Variants in ANKS1A observed in about 807,000 individuals in gnomAD.
The protein encoded by ANKS1A is ankyrin repeat and SAM domain-containing protein 1A.
ANKS1A carries 55 observed loss-of-function variants against 120.3 expected under a neutral mutation model. The observed-to-expected ratio is 0.46, with a 90% CI of 0.37 to 0.57. The LOEUF (loss-of-function observed/expected upper bound fraction) is 0.57, where lower values mean the gene tolerates loss of function less well. Among genes scored for constraint, ANKS1A ranks in the 20% least tolerant of loss-of-function variants. The probability of loss-of-function intolerance (pLI) is 0.00; values close to 1 mark genes in which losing one functional copy is unlikely to be tolerated. For synonymous variants in ANKS1A, 590 were observed against 604.7 expected (o/e 0.98, Z 0.36); for missense variants, 1,123 against 1,480.3 (o/e 0.76, Z 3.96).
At chr6:35,066,207 C>T (rs747360526) in intron 13 of ANKS1A, among the ~76,000 whole-genome samples, 4 of 152,148 alleles carry the variant, frequency 2.6e-5, no homozygotes, top group South Asian at 4.2e-4. Context: ...AGAGCAAAAC[C>T]GCATGTAAGG....
intron 1 of ANKS1A, among the ~76,000 whole-genome samples, chr6:34,931,773 A>G (rs578261673): frequency 7.9e-4 from 120 of 152,332 alleles, no homozygotes; most frequent in African/African-American, 1.3e-3. Flanking sequence ...GGGAAAATTC[A>G]TGCTCAGATG....
intron 1 of ANKS1A, among the ~76,000 whole-genome samples, chr6:34,962,010 T>C (rs1045882633): frequency 2.0e-5 from 3 of 152,198 alleles, no homozygotes; most frequent in African/African-American, 7.2e-5. Context: ...GTGTCACCTG[T>C]GCTATAATGA....
downstream of ANKS1A, among the ~76,000 whole-genome samples, chr6:35,091,663 CAGGGCCACATTCT>C (rs1335694342): frequency 6.6e-6 from 1 of 152,214 alleles, no homozygotes; most frequent in Non-Finnish European, 1.5e-5. Flanking sequence ...AACACCAAGC[CAGGGCCACATTCT>C]AGTTACTGCT....
chr6:35,070,887 A>T (rs186224778), intron 13 of ANKS1A: 94 of 638,732 alleles, frequency 1.5e-4, no homozygotes, highest in Middle Eastern at 1.4e-3. Flanking sequence ...CATTTGAAGG[A>T]CTCTTCGATG....
At chr6:34,947,322 T>A (rs2127489772) in intron 1 of ANKS1A, among the ~76,000 whole-genome samples, 1 of 152,020 alleles carries the variant, frequency 6.6e-6, no homozygotes, top group East Asian at 1.9e-4. Flanking sequence ...AATTTATGAA[T>A]TTTTAGTAGA....
intron 1 of ANKS1A, among the ~76,000 whole-genome samples, chr6:34,938,245 T>C (rs1043140094): frequency 6.6e-6 from 1 of 152,366 alleles, no homozygotes; most frequent in Admixed American, 6.5e-5. Flanking sequence ...GGAACAATCC[T>C]TTTATGCCTA....
intron 10 of ANKS1A, among the ~76,000 whole-genome samples, chr6:35,002,434 T>C (rs1561905004): frequency 1.3e-5 from 2 of 152,182 alleles, no homozygotes; most frequent in African/African-American, 2.4e-5. Context: ...TTTGGACTTA[T>C]ACAGTAAGGA....
At chr6:35,067,540 T>C (rs1002144709) in intron 13 of ANKS1A, among the ~76,000 whole-genome samples, 5 of 152,076 alleles carry the variant, frequency 3.3e-5, no homozygotes, top group Admixed American at 2.0e-4. Context: ...CTTGAGTTGG[T>C]GCCGTCGCCA....
Position 34,989,539 on chromosome 6 carries a change from C to T in ANKS1A, c.1302+223C>T, listed in dbSNP as rs556825874. Among the ~76,000 whole-genome samples, 15 of 152,330 alleles carry T rather than the reference C, an allele frequency of 9.8e-5. No homozygotes were observed. In the South Asian group the frequency reaches 1.0e-3, roughly 11 times the overall value. ...CCCAGTATTGATCTGCCATACCACA[C>T]GGAAAGTAAAATGTACATTTTTTCC... On this transcript the variant is annotated intron_variant, in intron 9 of 23. Transcript: ENST00000360359.
At chr6:35,004,672 C>T (rs1279072617) in intron 10 of ANKS1A, among the ~76,000 whole-genome samples, 3 of 93,842 alleles carry the variant, frequency 3.2e-5, no homozygotes, top group Non-Finnish European at 5.7e-5. Context: ...AATCCCAGTA[C>T]TTTGGGAGGC....
chr6:34,996,129 G>C (rs868181126), intron 10 of ANKS1A, among the ~76,000 whole-genome samples: 23 of 152,078 alleles, frequency 1.5e-4, no homozygotes, highest in Non-Finnish European at 2.4e-4. Flanking sequence ...AAAAATTTTA[G>C]CCATTCTAGT....
At chr6:35,043,011 G>C (rs886360117) in intron 11 of ANKS1A, among the ~76,000 whole-genome samples, 20 of 152,212 alleles carry the variant, frequency 1.3e-4, no homozygotes, top group Admixed American at 2.6e-4. Flanking sequence ...TTGAGCCTCA[G>C]AATATGTCTG....
At chr6:34,976,878 A>G (rs1008977328) in intron 3 of ANKS1A, among the ~76,000 whole-genome samples, 2 of 151,998 alleles carry the variant, frequency 1.3e-5, no homozygotes, top group Non-Finnish European at 2.9e-5. Flanking sequence ...AAACACTTCC[A>G]TTTTGGTATT....
At chr6:35,041,159 C>T (rs1161354324) in intron 11 of ANKS1A, among the ~76,000 whole-genome samples, 1 of 152,192 alleles carries the variant, frequency 6.6e-6, no homozygotes, top group East Asian at 1.9e-4. Context: ...TAAACTAGCT[C>T]TTTCCTTGGC....
chr6:34,999,167 G>C (rs1773016963), intron 10 of ANKS1A, among the ~76,000 whole-genome samples: 1 of 152,360 alleles, frequency 6.6e-6, no homozygotes, highest in South Asian at 2.1e-4. Flanking sequence ...CATCCACGGT[G>C]TGCCTTTATC....
At chr6:35,076,102 G>C (rs916047596) in intron 13 of ANKS1A, among the ~76,000 whole-genome samples, 1 of 152,086 alleles carries the variant, frequency 6.6e-6, no homozygotes, top group Admixed American at 6.5e-5. Flanking sequence ...ACATAGCTAC[G>C]CAGAAAAGAC....
chr6:34,892,901 ATGT>A (rs1253556228), intron 1 of ANKS1A, among the ~76,000 whole-genome samples: 14 of 152,226 alleles, frequency 9.2e-5, no homozygotes, highest in Non-Finnish European at 2.1e-4. Flanking sequence ...CTAGAAAAAC[ATGT>A]TGTTACAAAC....
At chr6:35,027,482 C>T (rs1454151801) in intron 11 of ANKS1A, among the ~76,000 whole-genome samples, 2 of 152,086 alleles carry the variant, frequency 1.3e-5, no homozygotes, top group South Asian at 2.1e-4. Flanking sequence ...TATGCATGCA[C>T]GCATGTGTGT....
intron 1 of ANKS1A, among the ~76,000 whole-genome samples, chr6:34,899,807 G>T (rs1272978339): frequency 6.6e-6 from 1 of 152,230 alleles, no homozygotes; most frequent in Non-Finnish European, 1.5e-5. Context: ...CTCTGATCCA[G>T]CCTGGTGGAG....
Sources: gnomAD v4.1 joint callset for allele counts (sites outside exome capture counted in the v4.1 genomes callset) on GRCh38, gnomAD v4.1.1 for gene constraint, MANE v1.5 for transcripts, NCBI Gene and HGNC (gene_info 2026-07-23, HGNC 2026-07-21) for gene names.